The following PPP1R13B variants were observed in gnomAD, a reference collection of about 807,000 sequenced individuals.
The protein encoded by PPP1R13B is apoptosis-stimulating of p53 protein 1.
In PPP1R13B, 44 loss-of-function variants were observed where a neutral mutation model predicts 119.8. The observed-to-expected ratio is 0.37, with a 90% confidence interval of 0.29 to 0.47. The LOEUF (loss-of-function observed/expected upper bound fraction) is 0.47. Ranked by LOEUF, PPP1R13B falls within the 20% of genes least tolerant of loss-of-function variation. The probability of loss-of-function intolerance (pLI) is 0.99; values close to 1 mark genes in which losing one functional copy is unlikely to be tolerated. For synonymous variants in PPP1R13B, 542 were observed against 561.5 expected, an observed-to-expected ratio of 0.97 and a Z score of 0.49; for missense variants, 1,227 against 1,413.5, an observed-to-expected ratio of 0.87 and a Z score of 2.12.
In PPP1R13B at chr14:103,835,225, C is replaced by T. The variant is rs146410734; in HGVS notation, c.9+12074G>A. Among the ~76,000 whole-genome samples the T allele has an allele frequency of 2.5e-3, 380 of 152,186 alleles. 2 individuals carry two copies. Among genetic ancestry groups the T allele is most frequent in the African/African-American group, 8.9e-3 (368 of 41,530 alleles). ...GCAACCTCCACCTCCCAGGCTCAAG[C>T]GATCCTCCTACCTTGGCCTCCTGAG... On this transcript the variant is annotated intron_variant, in intron 1 of 16. Coordinates refer to ENST00000202556, the MANE Select transcript of PPP1R13B (RefSeq NM_015316.3).
intron 2 of PPP1R13B, among the ~76,000 whole-genome samples, chr14:103,790,125 A>C (rs1216779601): frequency 6.6e-6 from 1 of 151,960 alleles, no homozygotes. Flanking sequence ...GGGCGCCTAT[A>C]ATCCCAGCTA....
intron 1 of PPP1R13B, among the ~76,000 whole-genome samples, chr14:103,823,594 C>T (rs2086463382): frequency 6.6e-6 from 1 of 152,118 alleles, no homozygotes; most frequent in Non-Finnish European, 1.5e-5. Flanking sequence ...ATCAAATGAC[C>T]TTGGAAATTC....
chr14:103,739,222 G>A (rs1595705847), intron 12 of PPP1R13B, 199 bp from the exon 13 acceptor site: 2 of 634,654 alleles, frequency 3.2e-6, no homozygotes, highest in Admixed American at 3.0e-5. Context: ...ACAAGGGAGA[G>A]CCCTGTCTGA....
chr14:103,794,002 G>C (rs887462804), intron 2 of PPP1R13B, among the ~76,000 whole-genome samples: 1 of 152,180 alleles, frequency 6.6e-6, no homozygotes, highest in Non-Finnish European at 1.5e-5. Flanking sequence ...CCTTACAAGA[G>C]GGGGAGGTTT....
intron 2 of PPP1R13B, among the ~76,000 whole-genome samples, chr14:103,788,503 T>C (rs531743838): frequency 6.6e-6 from 1 of 152,256 alleles, no homozygotes; most frequent in African/African-American, 2.4e-5. Flanking sequence ...TAAGCAGAAG[T>C]CCATGATACT....
intron 1 of PPP1R13B, among the ~76,000 whole-genome samples, chr14:103,824,884 G>A (rs1015420290): frequency 6.6e-6 from 1 of 152,092 alleles, no homozygotes; most frequent in African/African-American, 2.4e-5. Context: ...AAATATATTT[G>A]TTGAAAGTAC....
intron 3 of PPP1R13B, among the ~76,000 whole-genome samples, chr14:103,783,980 T>C (rs1288938778): frequency 6.6e-6 from 1 of 152,196 alleles, no homozygotes; most frequent in African/African-American, 2.4e-5. Flanking sequence ...GTTTTATATA[T>C]TTTTAAAATC....
upstream of PPP1R13B, chr14:103,848,361 C>G (rs144807465): frequency 3.9e-4 from 384 of 985,466 alleles, 4 homozygotes; most frequent in East Asian, 0.021. Context: ...CCTGCAGTCC[C>G]GTCTCCAGAG....
chr14:103,822,363 G>A (rs924872311), intron 1 of PPP1R13B, among the ~76,000 whole-genome samples: 1 of 152,068 alleles, frequency 6.6e-6, no homozygotes, highest in African/African-American at 2.4e-5. Flanking sequence ...TCCAACTCCT[G>A]AACTCAGGTG....
intron 1 of PPP1R13B, chr14:103,840,048 A>G (rs2086867886): frequency 6.6e-6 from 1 of 152,224 alleles, no homozygotes; most frequent in Non-Finnish European, 1.5e-5. Flanking sequence ...TTCTTATTTT[A>G]CAAAATCCAG....
At position 103,734,595 on chromosome 14, in the gene PPP1R13B, G is replaced by A. The variant is rs1274966682; in HGVS notation, c.*559C>T. 1.5e-5 allele frequency: 7 copies of A among 456,424 alleles called. No homozygotes were observed. Among genetic ancestry groups the A allele is most frequent in the Middle Eastern group, 3.2e-4 (1 of 3,092 alleles). The allele number at this position is 456,424 out of a possible 1,614,324, so 28.3% of individuals were successfully genotyped here. ...AGGAAGCGGAACCCCCAAGGCGGCCGAGCAGAGTGGGTACTGGGAGGCATA... is the reference window on the plus strand; with the variant it reads ...AGGAAGCGGAACCCCCAAGGCGGCCAAGCAGAGTGGGTACTGGGAGGCATA... On this transcript the variant is annotated 3_prime_UTR_variant, in exon 17 of 17. Transcript: ENST00000202556.
chr14:103,834,382 TAGTA>T (rs1289806353), intron 1 of PPP1R13B, among the ~76,000 whole-genome samples: 1 of 151,694 alleles, frequency 6.6e-6, no homozygotes, highest in African/African-American at 2.4e-5. Flanking sequence ...TCTCAAAAAC[TAGTA>T]AGTACTACAA....
chr14:103,847,030 C>T, intron 1 of PPP1R13B: 1 of 1,125,738 alleles, frequency 8.9e-7, no homozygotes, highest in Non-Finnish European at 1.1e-6. Flanking sequence ...AGGAGATGAC[C>T]GGCCCCAAAT....
rs1157222905 is a variant in PPP1R13B, at chr14:103,834,581, CTTTTTTTTT to C, written c.9+12709_9+12717del. Among the ~76,000 whole-genome samples, 7 of 89,378 alleles carry C rather than the reference CTTTTTTTTT, an allele frequency of 7.8e-5. No individual in the cohort carries two copies. In the East Asian group the frequency reaches 2.1e-3, roughly 26 times the overall value. 58.6% of individuals were successfully genotyped at this position (89,378 alleles called of 152,430 possible). A position where few individuals can be genotyped will look rare whatever the true frequency, so the allele number is the denominator to read the frequency against. ...GCACAGGGAAGGTAAATTTTAATGTCTTTTTTTTTTTTTTTTTTTTTTTTTTGAGACCGA... is the reference window on the plus strand; with the variant it reads ...GCACAGGGAAGGTAAATTTTAATGTCTTTTTTTTTTTTTTTTTGAGACCGA... On this transcript the variant is annotated intron_variant, in intron 1 of 16. Transcript: ENST00000202556.
chr14:103,749,665 A>T lies in PPP1R13B; in HGVS notation c.969+129T>A, dbSNP rs115520117. The T allele has an allele frequency of 3.2e-3, 2,991 of 944,132 alleles. 71 individuals are homozygous for T. In the African/African-American group the frequency reaches 0.044, roughly 14 times the overall value. 58.5% of individuals were successfully genotyped at this position (944,132 alleles called of 1,614,324 possible). A position where few individuals can be genotyped will look rare whatever the true frequency, so the allele number is the denominator to read the frequency against. On this transcript the variant is annotated intron_variant, in intron 8 of 16. Coordinates refer to ENST00000202556, the MANE Select transcript of PPP1R13B (RefSeq NM_015316.3). The stretch of plus-strand genomic sequence containing the variant: ...AAGGAACTCTGTTCTGTCATTTTTG[A>T]TGGTTTATGGCCTATTTATGTTTTA...
chr14:103,740,468 C>T lies in PPP1R13B; in HGVS notation c.1948G>A (p.Glu650Lys), dbSNP rs1667529865. The T allele has an allele frequency of 1.2e-6, 2 of 1,609,508 alleles. No individual in the cohort carries two copies. The highest frequency in any genetic ancestry group is 1.7e-6 in the Non-Finnish European group (2 of 1,177,036). ...GCGGGGGCGGCGGGGCCATCCTGCTCAGGCTCTTTCTCAGTACTTTCTGAA... is the reference window on the plus strand; with the variant it reads ...GCGGGGGCGGCGGGGCCATCCTGCTTAGGCTCTTTCTCAGTACTTTCTGAA... ...PPSESTEKEP[E>K]QDGPAAPADG... Residue 650 changes from glutamate (E) to lysine (K), a missense_variant, in exon 12 of 17, where the codon GAG becomes AAG. Coordinates refer to ENST00000202556, the MANE Select transcript of PPP1R13B (RefSeq NM_015316.3). The surrounding 1 kb of genome is among the most constrained non-coding windows in gnomAD (Gnocchi z 4.6).
intron 12 of PPP1R13B, chr14:103,739,375 C>T (rs1420681771): frequency 3.1e-6 from 1 of 319,712 alleles, no homozygotes; most frequent in African/African-American, 2.1e-5. Flanking sequence ...TGCCCACATG[C>T]GACAGGGTTC....
chr14:103,812,059 C>CA (rs557000296), intron 1 of PPP1R13B, among the ~76,000 whole-genome samples: 1,141 of 57,302 alleles, frequency 0.02, 4 homozygotes, highest in East Asian at 0.032. Context: ...GACTCCCCCT[C>CA]AAAAAAAAAA....
At chr14:103,800,773 T>C (rs2085882036) in intron 1 of PPP1R13B, among the ~76,000 whole-genome samples, 1 of 152,158 alleles carries the variant, frequency 6.6e-6, no homozygotes, top group Non-Finnish European at 1.5e-5. Flanking sequence ...GTAACCAAAA[T>C]TGATAACAGC....
Sources: allele counts gnomAD v4.1 joint callset (sites outside exome capture counted in the v4.1 genomes callset), GRCh38; gene constraint gnomAD v4.1.1; non-coding constraint Gnocchi (gnomAD v3.1); transcripts MANE v1.5; gene names NCBI Gene and HGNC (gene_info 2026-07-23, HGNC 2026-07-21).